Variants in PACRG observed in about 807,000 individuals in gnomAD.
PACRG encodes the protein parkin coregulated.
In PACRG, 29 loss-of-function variants were observed where a neutral mutation model predicts 29.7. The observed-to-expected ratio is 0.98, with a 90% CI of 0.73 to 1.33. The LOEUF (loss-of-function observed/expected upper bound fraction) is 1.33. PACRG is among the 40% of genes most tolerant of loss of function. The probability of loss-of-function intolerance (pLI) is 0.00; values close to 1 mark genes in which losing one functional copy is unlikely to be tolerated. For synonymous variants in PACRG, 116 were observed against 118.7 expected, an observed-to-expected ratio of 0.98 and a Z score of 0.15; for missense variants, 279 against 316.2, an observed-to-expected ratio of 0.88 and a Z score of 0.89.
intron 2 of PACRG, among the ~76,000 whole-genome samples, chr6:162,947,157 T>A (rs765836993): frequency 4.0e-5 from 6 of 150,684 alleles, no homozygotes; most frequent in Non-Finnish European, 8.9e-5. Context: ...GACATCCAAA[T>A]GGGAGAAGAA....
At chr6:163,067,245 C>T (rs890419283) in intron 3 of PACRG, among the ~76,000 whole-genome samples, 1 of 152,224 alleles carries the variant, frequency 6.6e-6, no homozygotes, top group Admixed American at 6.5e-5. Flanking sequence ...CTCTGACAAG[C>T]CCGTGGTCGA....
intron 1 of PACRG, among the ~76,000 whole-genome samples, chr6:162,745,643 A>G (rs1780933344): frequency 6.6e-6 from 1 of 152,206 alleles, no homozygotes; most frequent in African/African-American, 2.4e-5. Flanking sequence ...TGAAAAGCAC[A>G]TCAAGGTTTA....
At position 163,265,967 on chromosome 6, in the gene PACRG, T is replaced by C. The variant is rs528414603; in HGVS notation, c.614-48860T>C. Among the ~76,000 whole-genome samples the C allele has an allele frequency of 3.3e-5, 5 of 152,340 alleles. No individual in the cohort carries two copies. The East Asian group carries it at 7.7e-4, about 23-fold the overall frequency. On this transcript the variant is annotated intron_variant, in intron 4 of 4. Transcript: ENST00000366888. ...AAATGGATGTTGGTGCATCTCCAACTATTTAGCATTAAATTCATTCTGTCA... is the reference window on the plus strand; with the variant it reads ...AAATGGATGTTGGTGCATCTCCAACCATTTAGCATTAAATTCATTCTGTCA...
intron 4 of PACRG, among the ~76,000 whole-genome samples, chr6:163,123,123 T>C (rs1816368484): frequency 6.6e-6 from 1 of 152,028 alleles, no homozygotes; most frequent in Non-Finnish European, 1.5e-5. Context: ...GGAAAAACAG[T>C]TGTTTATACC....
intron 2 of PACRG, among the ~76,000 whole-genome samples, chr6:162,996,398 T>G (rs1039214042): frequency 1.3e-5 from 2 of 152,302 alleles, no homozygotes; most frequent in African/African-American, 2.4e-5. Flanking sequence ...TTTAGTAATA[T>G]GTTCACATCC....
intron 1 of PACRG, among the ~76,000 whole-genome samples, chr6:162,740,703 G>A (rs1355837198): frequency 1.4e-5 from 2 of 146,712 alleles, no homozygotes; most frequent in Non-Finnish European, 3.0e-5. Flanking sequence ...GGGTTCAAGT[G>A]ATTCTCCTGC....
chr6:162,997,262 A>G (rs555100155), intron 2 of PACRG: 7 of 258,316 alleles, frequency 2.7e-5, no homozygotes, highest in South Asian at 2.6e-4. Flanking sequence ...TTGCCCTAAG[A>G]TATGTTGTGC....
intron 4 of PACRG, among the ~76,000 whole-genome samples, chr6:163,124,625 C>T (rs1348803071): frequency 1.3e-5 from 2 of 152,068 alleles, no homozygotes; most frequent in South Asian, 2.1e-4. Context: ...AAGAAATGTC[C>T]AGCATTTCCC....
chr6:163,283,802 C>T (rs964181174), intron 4 of PACRG, among the ~76,000 whole-genome samples: 8 of 122,350 alleles, frequency 6.5e-5, no homozygotes, highest in African/African-American at 1.6e-4. Flanking sequence ...AGCGAGACTC[C>T]GTCTCAAAAA....
chr6:163,312,829 T>A (rs1459817808), intron 4 of PACRG: 1 of 431,098 alleles, frequency 2.3e-6, no homozygotes, highest in East Asian at 8.1e-5. Context: ...CATGGCTCGT[T>A]GCAACCTCGA....
intron 4 of PACRG, among the ~76,000 whole-genome samples, chr6:163,212,937 C>G (rs1428777547): frequency 6.6e-6 from 1 of 152,156 alleles, no homozygotes; most frequent in Admixed American, 6.5e-5. Context: ...CACCACCACG[C>G]CCAGCTAATT....
intron 2 of PACRG, among the ~76,000 whole-genome samples, chr6:162,882,694 G>A (rs935985597): frequency 3.9e-5 from 6 of 152,104 alleles, no homozygotes; most frequent in Non-Finnish European, 7.4e-5. Flanking sequence ...ACCATTCTCT[G>A]CATCCAGGGC....
chr6:163,144,343 T>C (rs1272764169), intron 4 of PACRG, among the ~76,000 whole-genome samples: 2 of 137,230 alleles, frequency 1.5e-5, no homozygotes, highest in African/African-American at 3.1e-5. Context: ...TACACACACA[T>C]ACATACACAC....
intron 4 of PACRG, among the ~76,000 whole-genome samples, chr6:163,124,124 G>A (rs1330333625): frequency 6.6e-6 from 1 of 152,222 alleles, no homozygotes; most frequent in African/African-American, 2.4e-5. Context: ...TCCTTTGCAT[G>A]TTGTAATTGT....
intron 4 of PACRG, among the ~76,000 whole-genome samples, chr6:163,115,014 G>A (rs1309402764): frequency 6.6e-6 from 1 of 152,090 alleles, no homozygotes; most frequent in Non-Finnish European, 1.5e-5. Flanking sequence ...AACAAAGCTG[G>A]AAATAAAAGA....
intron 2 of PACRG, among the ~76,000 whole-genome samples, chr6:162,999,581 C>T (rs933221379): frequency 5.3e-5 from 8 of 152,210 alleles, no homozygotes; most frequent in Admixed American, 5.2e-4. Context: ...ACAAGACTGG[C>T]TTGGCCTTCT....
chr6:162,997,291 C>T (rs1477440908), intron 2 of PACRG: 3 of 333,596 alleles, frequency 9.0e-6, no homozygotes, highest in Admixed American at 4.1e-5. Context: ...ATTGGATTGT[C>T]GGAATGCATC....
chr6:162,868,996 T>C (rs1792567502), intron 2 of PACRG, among the ~76,000 whole-genome samples: 1 of 152,158 alleles, frequency 6.6e-6, no homozygotes, highest in Non-Finnish European at 1.5e-5. Flanking sequence ...ATCACGCAGG[T>C]ACACAGAGGG....
intron 4 of PACRG, among the ~76,000 whole-genome samples, chr6:163,306,896 A>C (rs1339702912): frequency 6.6e-6 from 1 of 152,236 alleles, no homozygotes; most frequent in Non-Finnish European, 1.5e-5. Context: ...GAGCATCCAA[A>C]GTTCAGTCTT....
Sources: gnomAD v4.1 joint callset for allele counts (sites outside exome capture counted in the v4.1 genomes callset) on GRCh38, gnomAD v4.1.1 for gene constraint, MANE v1.5 for transcripts, NCBI Gene and HGNC (gene_info 2026-07-23, HGNC 2026-07-21) for gene names.